The following STARD13 variants were observed in gnomAD, a reference collection of about 807,000 sequenced individuals.
The protein encoded by STARD13 is stAR-related lipid transfer protein 13.
In STARD13, 62 loss-of-function variants were observed where a neutral mutation model predicts 106.4. That is an observed-to-expected ratio of 0.58 (90% confidence interval 0.48 to 0.72). The LOEUF (loss-of-function observed/expected upper bound fraction) is 0.72, where lower values mean the gene tolerates loss of function less well. Ranked by LOEUF, STARD13 falls within the 30% of genes least tolerant of loss-of-function variation. The probability of loss-of-function intolerance (pLI) is 0.00; values close to 1 mark genes in which losing one functional copy is unlikely to be tolerated. For synonymous variants in STARD13, 565 were observed against 553.0 expected (o/e 1.02, Z -0.31); for missense variants, 1,387 against 1,424.0 (o/e 0.97, Z 0.42).
the STARD13 span, among the ~76,000 whole-genome samples, chr13:33,553,647 T>A: frequency 1.3e-5 from 2 of 151,604 alleles, no homozygotes; most frequent in Non-Finnish European, 2.9e-5. Context: ...TGGCGCTATC[T>A]TGGCTCACTG....
At chr13:33,122,645 CTT>C (rs1368398508) in intron 7 of STARD13, among the ~76,000 whole-genome samples, 2 of 152,188 alleles carry the variant, frequency 1.3e-5, no homozygotes, top group Non-Finnish European at 2.9e-5. Context: ...AAGCATCTCT[CTT>C]GTATGTGATC....
At chr13:33,110,159 C>G in intron 11 of STARD13, 69 bp from the exon 12 acceptor site, 1 of 1,456,852 alleles carries the variant, frequency 6.9e-7, no homozygotes, top group Non-Finnish European at 9.4e-7. Flanking sequence ...TTTGTTTGGG[C>G]TTTTAGTTTT....
At chr13:33,440,724 T>A in the STARD13 span, among the ~76,000 whole-genome samples, 1 of 150,214 alleles carries the variant, frequency 6.7e-6, no homozygotes, top group Admixed American at 6.7e-5. Flanking sequence ...CAGGTTTAGA[T>A]CTCCAACTTA....
At chr13:33,254,358 C>T (rs2138297621) in intron 1 of STARD13, among the ~76,000 whole-genome samples, 1 of 152,348 alleles carries the variant, frequency 6.6e-6, no homozygotes, top group African/African-American at 2.4e-5. Flanking sequence ...CTCTGTGAGA[C>T]AGTGTCACTG....
the STARD13 span, among the ~76,000 whole-genome samples, chr13:33,452,631 T>C: frequency 2.6e-5 from 4 of 152,216 alleles, no homozygotes; most frequent in South Asian, 2.1e-4. Flanking sequence ...TTACTAGTTA[T>C]ATGCGCTTAG....
chr13:33,177,748 AAAAAAG>A (rs1884671331), intron 1 of STARD13, among the ~76,000 whole-genome samples: 2 of 88,980 alleles, frequency 2.2e-5, no homozygotes, highest in African/African-American at 7.7e-5. Context: ...GGAAGGAAGG[AAAAAAG>A]GAAGGAAGGA....
chr13:33,205,115 G>A (rs556803078), intron 1 of STARD13, among the ~76,000 whole-genome samples: 3 of 152,256 alleles, frequency 2.0e-5, no homozygotes, highest in South Asian at 4.2e-4. Flanking sequence ...GACATCGAAC[G>A]CAAACCACTT....
chr13:33,652,284 T>C, the STARD13 span, among the ~76,000 whole-genome samples: 1 of 152,200 alleles, frequency 6.6e-6, no homozygotes, highest in Non-Finnish European at 1.5e-5. Context: ...TCATACAACA[T>C]AGAAATGAGA....
At chr13:33,244,961 ACAC>A (rs1369337133) in intron 1 of STARD13, among the ~76,000 whole-genome samples, 1 of 152,228 alleles carries the variant, frequency 6.6e-6, no homozygotes, top group African/African-American at 2.4e-5. Context: ...TCCAAATACA[ACAC>A]ATTAAGCTGT....
At chr13:33,192,187 A>C (rs1886298783) in intron 1 of STARD13, among the ~76,000 whole-genome samples, 1 of 152,240 alleles carries the variant, frequency 6.6e-6, no homozygotes, top group South Asian at 2.1e-4. Context: ...AGCTTCTTGC[A>C]TTTTGTAGTT....
the STARD13 span, among the ~76,000 whole-genome samples, chr13:33,529,826 T>G: frequency 6.6e-6 from 1 of 152,104 alleles, no homozygotes; most frequent in Non-Finnish European, 1.5e-5. Flanking sequence ...GTTCAAAGAA[T>G]AGTGAGGATT....
chr13:33,593,274 T>A, the STARD13 span, among the ~76,000 whole-genome samples: 1 of 152,142 alleles, frequency 6.6e-6, no homozygotes, highest in African/African-American at 2.4e-5. Flanking sequence ...AACCTCTGCC[T>A]CCCGGGTTCA....
chr13:33,476,045 A>G, the STARD13 span, among the ~76,000 whole-genome samples: 5 of 152,294 alleles, frequency 3.3e-5, no homozygotes, highest in Non-Finnish European at 5.9e-5. Context: ...CATTTTGATC[A>G]ATAACTTCCA....
At chr13:33,566,907 C>T in the STARD13 span, among the ~76,000 whole-genome samples, 1 of 147,966 alleles carries the variant, frequency 6.8e-6, no homozygotes, top group Non-Finnish European at 1.5e-5. Flanking sequence ...GCATGCATAC[C>T]AAATACTTGT....
chr13:33,266,711 C>G (rs1343246443), intron 1 of STARD13, among the ~76,000 whole-genome samples: 1 of 152,200 alleles, frequency 6.6e-6, no homozygotes, highest in Non-Finnish European at 1.5e-5. Context: ...GTTGCCTACA[C>G]ATACTTCTAA....
chr13:33,225,577 T>G (rs541891852), intron 1 of STARD13, among the ~76,000 whole-genome samples: 1 of 152,300 alleles, frequency 6.6e-6, no homozygotes, highest in East Asian at 1.9e-4. Flanking sequence ...TTTAGGTCTT[T>G]TCTGTATAGC....
intron 1 of STARD13, among the ~76,000 whole-genome samples, chr13:33,222,634 T>C (rs573480473): frequency 6.6e-6 from 1 of 152,342 alleles, no homozygotes; most frequent in African/African-American, 2.4e-5. Flanking sequence ...TGTTGCCTTT[T>C]CCTACGACAC....
At chr13:33,635,044 G>A in the STARD13 span, among the ~76,000 whole-genome samples, 1 of 152,162 alleles carries the variant, frequency 6.6e-6, no homozygotes, top group East Asian at 1.9e-4. Context: ...CTTTTTAAAG[G>A]CATTTTTAAA....
chr13:33,539,517 A>G, the STARD13 span, among the ~76,000 whole-genome samples: 1 of 152,254 alleles, frequency 6.6e-6, no homozygotes, highest in African/African-American at 2.4e-5. Context: ...TAATCAATAC[A>G]GTGTGGGACT....
Sources: gnomAD v4.1 joint callset for allele counts (sites outside exome capture counted in the v4.1 genomes callset) on GRCh38, gnomAD v4.1.1 for gene constraint, MANE v1.5 for transcripts, NCBI Gene and HGNC (gene_info 2026-07-23, HGNC 2026-07-21) for gene names.